The following POP4 variants were observed in gnomAD, a reference collection of about 807,000 sequenced individuals.
POP4 encodes the protein ribonuclease P protein subunit p29.
POP4 carries 31 observed loss-of-function variants against 29.9 expected under a neutral mutation model. The observed-to-expected ratio is 1.04, with a 90% confidence interval of 0.78 to 1.40. The LOEUF is 1.40. Among genes scored for constraint, POP4 ranks in the 40% most tolerant of loss-of-function variants. POP4 has a pLI of 0.00. For missense variants in POP4, 286 were observed against 282.7 expected, an observed-to-expected ratio of 1.01 and a Z score of -0.08; for synonymous variants, 110 against 108.2, an observed-to-expected ratio of 1.02 and a Z score of -0.10.
Position 29,612,198 on chromosome 19 carries a change from G to A in POP4, c.424+20G>A, listed in dbSNP as rs1215244417. 3 of 1,592,410 alleles carry A rather than the reference G, an allele frequency of 1.9e-6. No individual in the cohort carries two copies. Among genetic ancestry groups the A allele is most frequent in the Non-Finnish European group, 2.6e-6 (3 of 1,171,426 alleles). On this transcript the variant is annotated intron_variant, in intron 5 of 6. Transcript: ENST00000585603. ...TTTCAGGTAATTTACCTAAGAGCGT[G>A]TAGCACATGGCCATCCAGAGGTTCA...
intron 1 of POP4, chr19:29,606,560 C>A: frequency 2.1e-6 from 1 of 465,600 alleles, no homozygotes; most frequent in Non-Finnish European, 3.8e-6. Context: ...GGAGGCTGCT[C>A]AGTGGTGTGC....
chr19:29,607,469 A>AC (rs1449066413), intron 1 of POP4, among the ~76,000 whole-genome samples: 2 of 3,602 alleles, frequency 5.6e-4, no homozygotes, highest in African/African-American at 5.7e-3. Context: ...ACAAACAACA[A>AC]AAAAAAAAAA....
At chr19:29,610,089 G>A (rs1971046238) in intron 2 of POP4, among the ~76,000 whole-genome samples, 2 of 152,358 alleles carry the variant, frequency 1.3e-5, no homozygotes, top group Non-Finnish European at 1.5e-5. Flanking sequence ...TGCCAAGGAT[G>A]AGAGAATTCT....
At position 29,611,853 on chromosome 19, in the gene POP4, T is replaced by C. The variant is rs1971072445; in HGVS notation, c.285-9T>C. On this transcript the variant is annotated splice_polypyrimidine_tract_variant and intron_variant, in intron 3 of 6. Transcript: ENST00000585603. ...TCTAACTTTTTCCCTGTTTCTGACT[T>C]TGCTGCAGATACAGCCTTTTCCTCC... 6.2e-7 allele frequency: 1 copy of C among 1,612,902 alleles called. No homozygotes were observed. The highest frequency in any genetic ancestry group is 1.3e-5 in the African/African-American group (1 of 74,892).
intron 6 of POP4, 96 bp downstream of exon 6, chr19:29,614,068 C>G (rs1298958433): frequency 1.3e-6 from 2 of 1,503,510 alleles, no homozygotes; most frequent in South Asian, 2.7e-5. Context: ...GATTTGACCC[C>G]TCAAGTCAGC....
chr19:29,610,746 C>G, intron 3 of POP4, 114 bp downstream of exon 3: 3 of 1,044,956 alleles, frequency 2.9e-6, no homozygotes, highest in Non-Finnish European at 4.2e-6. Context: ...GGGGGCCTCT[C>G]TGTCGTCTGC....
intron 5 of POP4, among the ~76,000 whole-genome samples, chr19:29,612,522 G>A (rs565084944): frequency 6.6e-5 from 10 of 152,270 alleles, no homozygotes; most frequent in Admixed American, 6.5e-4. Context: ...GGTTTCAAAT[G>A]TCAGCTACAC....
chr19:29,615,647 G>T lies in POP4; in HGVS notation c.*267G>T. On this transcript the variant is annotated 3_prime_UTR_variant, in exon 7 of 7. Coordinates refer to ENST00000585603, the MANE Select transcript of POP4 (RefSeq NM_006627.3). ...GGAACAGACTGGCAGGAAGCACACC[G>T]GGGTTAACACTGGTTGACTTGAATA... 2.5e-6 allele frequency: 1 copy of T among 399,568 alleles called. No homozygotes were observed. Among genetic ancestry groups the T allele is most frequent in the Non-Finnish European group, 4.5e-6 (1 of 222,284 alleles). 24.8% of individuals were successfully genotyped at this position (399,568 alleles called of 1,614,324 possible).
At chr19:29,614,058 G>T in intron 6 of POP4, 86 bp downstream of exon 6, 1 of 1,525,536 alleles carries the variant, frequency 6.6e-7, no homozygotes, top group Non-Finnish European at 8.8e-7. Context: ...CCAAGAGTTT[G>T]ATTTGACCCC....
Position 29,610,571 on chromosome 19 carries a change from G to A in POP4, c.223G>A (p.Gly75Ser). Residue 75 changes from glycine to serine, a missense_variant, in exon 3 of 7, where the codon GGC becomes AGC. Coordinates refer to ENST00000585603, the MANE Select transcript of POP4 (RefSeq NM_006627.3). ...KRKEKKKKAK[G>S]LSARQRRELR... ...CAAGGAGAAGAAGAAGAAAGCCAAA[G>A]GCCTCTCTGCCAGGCAAAGGAGGGA... 6.2e-7 allele frequency: 1 copy of A among 1,614,182 alleles called. No homozygotes were observed. Among genetic ancestry groups the A allele is most frequent in the Non-Finnish European group, 8.5e-7 (1 of 1,180,040 alleles).
intron 3 of POP4, 99 bp from the exon 4 acceptor site, chr19:29,611,763 T>C (rs944328104): frequency 1.3e-5 from 12 of 940,058 alleles, no homozygotes; most frequent in Admixed American, 3.8e-5. Context: ...TGATCCCAGG[T>C]TGCAGTTGTT....
chr19:29,608,656 G>T lies in POP4; in HGVS notation c.8-1G>T. ...ATCATTTCTTTTTTTTAATCCCCCA[G>T]GTGTGATCTACCATGCATTGTCTCA... On this transcript the variant is annotated splice_acceptor_variant, in intron 1 of 6. Transcript: ENST00000585603. LOFTEE classifies it high-confidence loss of function. 1.2e-6 allele frequency: 2 copies of T among 1,613,492 alleles called. No homozygotes were observed. The highest frequency in any genetic ancestry group is 1.7e-6 in the Non-Finnish European group (2 of 1,179,574).
Position 29,613,888 on chromosome 19 carries a change from C to T in POP4, c.442C>T (p.Pro148Ser). The change falls in exon 6 of 7, where the codon CCC becomes TCC. Residue 148 changes from proline to serine, a missense_variant. Physicochemically the swap from Pro to Ser is moderately conservative, Grantham distance 74. Transcript: ENST00000585603. Reference sequence around the variant, plus strand: ...CTTTGCAGTGACAAAATCCAAATGCCCCTCTTATGTGGGTATTACAGGAAT... The same window carrying T: ...CTTTGCAGTGACAAAATCCAAATGCTCCTCTTATGTGGGTATTACAGGAAT... ...AIISVTKSKC[P>S]SYVGITGILL... 1 of 1,612,980 alleles carries T rather than the reference C, an allele frequency of 6.2e-7. No individual in the cohort carries two copies. Among genetic ancestry groups the T allele is most frequent in the Non-Finnish European group, 8.5e-7 (1 of 1,179,636 alleles).
At chr19:29,610,094 A>T (rs898804649) in intron 2 of POP4, 1 of 359,654 alleles carries the variant, frequency 2.8e-6, no homozygotes, top group Admixed American at 4.5e-5. Context: ...AGGATGAGAG[A>T]ATTCTTCTTC....
intron 4 of POP4, 85 bp from the exon 5 acceptor site, chr19:29,612,032 C>G: frequency 6.3e-7 from 1 of 1,586,650 alleles, no homozygotes; most frequent in Admixed American, 1.7e-5. Flanking sequence ...TTGGTATTGC[C>G]TGGCTGCAGA....
At position 29,615,647 on chromosome 19, in the gene POP4, G is replaced by A. The variant is rs977478170; in HGVS notation, c.*267G>A. ...GGAACAGACTGGCAGGAAGCACACC[G>A]GGGTTAACACTGGTTGACTTGAATA... On this transcript the variant is annotated 3_prime_UTR_variant, in exon 7 of 7. Coordinates refer to ENST00000585603, the MANE Select transcript of POP4 (RefSeq NM_006627.3). 3.5e-5 allele frequency: 14 copies of A among 399,450 alleles called. No homozygotes were observed. Among genetic ancestry groups the A allele is most frequent in the South Asian group, 1.7e-4 (3 of 17,380 alleles). The allele number at this position is 399,450 out of a possible 1,614,324, so 24.7% of individuals were successfully genotyped here.
rs1312082144 is a variant in POP4, at chr19:29,610,553, A to G, written c.205A>G (p.Lys69Glu). 1.2e-6 allele frequency: 2 copies of G among 1,613,542 alleles called. No homozygotes were observed. Among genetic ancestry groups the G allele is most frequent in the African/African-American group, 1.3e-5 (1 of 74,912 alleles). ...CTTCACCCGCCACAAGCGCAAGGAG[A>G]AGAAGAAGAAAGCCAAAGGCCTCTC... ...EYFTRHKRKE[K>E]KKKAKGLSAR... is the part of the protein sequence containing the mutation. Residue 69 changes from lysine (K) to glutamate (E), a missense_variant, in exon 3 of 7, where the codon AAG becomes GAG. Physicochemically the swap from Lys to Glu is moderately conservative, Grantham distance 56. Coordinates refer to ENST00000585603, the MANE Select transcript of POP4 (RefSeq NM_006627.3).
At chr19:29,615,169 C>G in intron 6 of POP4, 75 bp from the exon 7 acceptor site, 3 of 1,406,658 alleles carry the variant, frequency 2.1e-6, no homozygotes, top group Non-Finnish European at 2.8e-6. Flanking sequence ...GAATAATATT[C>G]TACCTAAAAG....
rs1412495778 is a variant in POP4 at position 29,616,959 on chromosome 19, C to A, written c.*1579C>A. On this transcript the variant is annotated 3_prime_UTR_variant, in exon 7 of 7. Coordinates refer to ENST00000585603, the MANE Select transcript of POP4 (RefSeq NM_006627.3). ...ACTCAAGGGTAGATTGAGATTTGGACCTAATAGGCTCCAGAACTGTGCTTT... is the reference window on the plus strand; with the variant it reads ...ACTCAAGGGTAGATTGAGATTTGGAACTAATAGGCTCCAGAACTGTGCTTT... 1 of 152,142 alleles carries A rather than the reference C, an allele frequency of 6.6e-6. No homozygotes were observed. The allele number at this position is 152,142 out of a possible 1,614,324, so 9.4% of individuals were successfully genotyped here.
Sources: allele counts gnomAD v4.1 joint callset (sites outside exome capture counted in the v4.1 genomes callset), GRCh38; gene constraint gnomAD v4.1.1; transcripts MANE v1.5; gene names NCBI Gene and HGNC (gene_info 2026-07-23, HGNC 2026-07-21).